KCNE3: variants seen among roughly 807,000 people sequenced by gnomAD.
KCNE3 encodes potassium voltage-gated channel subfamily E member 3.
KCNE3 carries 2 observed loss-of-function variants against 4.3 expected under a neutral mutation model. That is an observed-to-expected ratio of 0.47 (90% CI 0.19 to 1.48). KCNE3 has a LOEUF of 1.48. Ranked by LOEUF, KCNE3 falls within the 40% of genes most tolerant of loss-of-function variation. The pLI, the probability that KCNE3 is intolerant of heterozygous loss-of-function variation, is 0.25. For missense variants in KCNE3, 128 were observed against 136.8 expected (o/e 0.94, Z 0.32); for synonymous variants, 47 against 52.0 (o/e 0.90, Z 0.41).
intron 2 of KCNE3, among the ~76,000 whole-genome samples, chr11:74,458,566 C>T (rs1055712094): frequency 2.6e-5 from 4 of 152,216 alleles, no homozygotes; most frequent in Admixed American, 2.6e-4. Flanking sequence ...GGCACAGTGG[C>T]TCACGCCTGT....
intron 1 of KCNE3, among the ~76,000 whole-genome samples, chr11:74,464,830 A>C (rs1285918492): frequency 2.0e-5 from 3 of 152,188 alleles, no homozygotes; most frequent in African/African-American, 7.2e-5. Flanking sequence ...CACCCATGAC[A>C]CTGAAGTACA....
chr11:74,457,289 TA>T lies in KCNE3; in HGVS notation c.274del (p.Tyr92IlefsTer11), dbSNP rs1006962870. On this transcript the variant is annotated frameshift_variant, in exon 3 of 3. Coordinates refer to ENST00000310128, the MANE Select transcript of KCNE3 (RefSeq NM_005472.5). LOFTEE classifies it high-confidence loss of function. ...CACACGGTTCTTGATATACACATGATAGGGGTCACTACGCTTGTCCACTTTG... is the reference window on the plus strand; with the variant it reads ...CACACGGTTCTTGATATACACATGATGGGGTCACTACGCTTGTCCACTTTG... ...SRKVDKRSDP[Y>X]HVYIKNRVSM... 6.2e-7 allele frequency: 1 copy of T among 1,614,010 alleles called. No individual in the cohort carries two copies. Among genetic ancestry groups the T allele is most frequent in the East Asian group, 2.2e-5 (1 of 44,854 alleles).
chr11:74,462,333 C>T (rs1471217299), intron 1 of KCNE3: 1 of 152,240 alleles, frequency 6.6e-6, no homozygotes, highest in East Asian at 1.9e-4. Context: ...ATTGCTGTCC[C>T]CTACCTCCAG....
chr11:74,465,058 G>A (rs537883593), intron 1 of KCNE3, among the ~76,000 whole-genome samples: 3 of 152,084 alleles, frequency 2.0e-5, no homozygotes, highest in East Asian at 1.9e-4. Context: ...TCCCAAAAGT[G>A]CTTTGCACGA....
chr11:74,462,647 A>G (rs951764774), intron 1 of KCNE3: 1 of 152,230 alleles, frequency 6.6e-6, no homozygotes, highest in Non-Finnish European at 1.5e-5. Context: ...ATTAAAGAAC[A>G]TCATGTAGTG....
intron 1 of KCNE3, among the ~76,000 whole-genome samples, chr11:74,464,069 C>T (rs957665722): frequency 6.6e-6 from 1 of 152,188 alleles, no homozygotes. Context: ...CTCCTGATTC[C>T]CCAGATGAGC....
rs1196527020 is a variant in KCNE3 at position 74,467,201 on chromosome 11, C to CGATCACTG, written c.-190+189_-190+196dup. 6.6e-6 allele frequency among the ~76,000 whole-genome samples: 1 copy of CGATCACTG among 151,706 alleles called. No individual in the cohort carries two copies. Among genetic ancestry groups the CGATCACTG allele is most frequent in the Non-Finnish European group, 1.5e-5 (1 of 68,022 alleles). ...CTCCCTACTCCCACATGCTGCTCCA[C>CGATCACTG]GATCACTGCGCTCGGGAGGATCGGG... On this transcript the variant is annotated intron_variant, in intron 1 of 2. Transcript: ENST00000310128. The surrounding 1 kb of genome is among the most constrained non-coding windows in gnomAD (Gnocchi z 4.4).
At chr11:74,466,347 G>A (rs1311679632) in intron 1 of KCNE3, among the ~76,000 whole-genome samples, 1 of 152,180 alleles carries the variant, frequency 6.6e-6, no homozygotes, top group Non-Finnish European at 1.5e-5. Context: ...GAAGGTGATG[G>A]TTATCATCTC....
In KCNE3 at chr11:74,456,218, G is replaced by A. The variant is rs1391614112; in HGVS notation, c.*1034C>T. 2.8e-5 allele frequency: 4 copies of A among 143,552 alleles called. No individual in the cohort carries two copies. Among genetic ancestry groups the A allele is most frequent in the African/African-American group, 1.0e-4 (4 of 39,864 alleles). The allele number at this position is 143,552 out of a possible 1,614,324, so 8.9% of individuals were successfully genotyped here. ...GTGGTGACAGGAACCTGTAATCCCAGCTACTCAGGTGGCTGAGGCAGGATA... is the reference window on the plus strand; with the variant it reads ...GTGGTGACAGGAACCTGTAATCCCAACTACTCAGGTGGCTGAGGCAGGATA... On this transcript the variant is annotated 3_prime_UTR_variant, in exon 3 of 3. Coordinates refer to ENST00000310128, the MANE Select transcript of KCNE3 (RefSeq NM_005472.5).
intron 2 of KCNE3, among the ~76,000 whole-genome samples, 181 bp downstream of exon 2, chr11:74,461,774 A>G (rs1863958617): frequency 6.6e-6 from 1 of 151,570 alleles, no homozygotes; most frequent in Non-Finnish European, 1.5e-5. Flanking sequence ...AAATATGTAC[A>G]CATAGGTTTA....
Position 74,455,698 on chromosome 11 carries a change from A to C in KCNE3, c.*1554T>G, listed in dbSNP as rs1445065633. 1 of 151,494 alleles carries C rather than the reference A, an allele frequency of 6.6e-6. No individual in the cohort carries two copies. Among genetic ancestry groups the C allele is most frequent in the Non-Finnish European group, 1.5e-5 (1 of 67,978 alleles). 9.4% of individuals were successfully genotyped at this position (151,494 alleles called of 1,614,324 possible). ...CTCTGCTTCTTTTAATATAATAATA[A>C]TTTAGGTGCGATATCAGTCTTTTTT... On this transcript the variant is annotated 3_prime_UTR_variant, in exon 3 of 3. Transcript: ENST00000310128.
chr11:74,460,353 A>C (rs544877008), intron 2 of KCNE3, among the ~76,000 whole-genome samples: 3 of 152,358 alleles, frequency 2.0e-5, no homozygotes, highest in African/African-American at 7.2e-5. Context: ...AAAATAATCT[A>C]GATAGTTATC....
rs1249931311 is a variant in KCNE3 at position 74,456,710 on chromosome 11, A to T, written c.*542T>A. On this transcript the variant is annotated 3_prime_UTR_variant, in exon 3 of 3. Transcript: ENST00000310128. ...GAGTTTTGAAAAGCACTAGGCAAGG[A>T]GACCAGAGTTCCTGGGTTCCAATCA... 1 of 162,734 alleles carries T rather than the reference A, an allele frequency of 6.1e-6. No individual in the cohort carries two copies. Among genetic ancestry groups the T allele is most frequent in the Non-Finnish European group, 1.4e-5 (1 of 73,980 alleles). The allele number at this position is 162,734 out of a possible 1,614,324, so 10.1% of individuals were successfully genotyped here.
intron 2 of KCNE3, among the ~76,000 whole-genome samples, chr11:74,461,743 T>G (rs930808912): frequency 6.6e-6 from 1 of 151,656 alleles, no homozygotes; most frequent in African/African-American, 2.4e-5. Flanking sequence ...ATTAAAAACT[T>G]TTTTTTTATT....
chr11:74,466,536 T>C (rs181116084), intron 1 of KCNE3, among the ~76,000 whole-genome samples: 33 of 152,328 alleles, frequency 2.2e-4, no homozygotes, highest in African/African-American at 7.2e-4. Flanking sequence ...TGGGTTCTAA[T>C]TCTGTTTGGT....
At position 74,457,385 on chromosome 11, in the gene KCNE3, T is replaced by C. The variant is rs1009916288; in HGVS notation, c.179A>G (p.Tyr60Cys). 7 of 1,614,138 alleles carry C rather than the reference T, an allele frequency of 4.3e-6. No individual in the cohort carries two copies. The highest frequency in any genetic ancestry group is 5.1e-6 in the Non-Finnish European group (6 of 1,179,978). Residue 60 changes from tyrosine (Y) to cysteine (C), a missense_variant, in exon 3 of 3, where the codon TAC becomes TGC. Coordinates refer to ENST00000310128, the MANE Select transcript of KCNE3 (RefSeq NM_005472.5). ...LPGRDDNSYM[Y>C]ILFVMFLFAV... The stretch of plus-strand genomic sequence containing the variant: ...AAATAGAAACATGACAAAGAGAATG[T>C]ACATGTAGGAGTTGTCATCACGGCC...
At chr11:74,460,010 C>T (rs761961464) in intron 2 of KCNE3, among the ~76,000 whole-genome samples, 12 of 152,208 alleles carry the variant, frequency 7.9e-5, no homozygotes, top group Admixed American at 2.6e-4. Context: ...GAACTGTTAA[C>T]AAACTAATAT....
chr11:74,466,594 C>T (rs1864062877), intron 1 of KCNE3, among the ~76,000 whole-genome samples: 1 of 152,132 alleles, frequency 6.6e-6, no homozygotes, highest in African/African-American at 2.4e-5. Context: ...CATCAGTTTC[C>T]CTATATGCAA....
Position 74,467,244 on chromosome 11 carries a change from A to C in KCNE3, c.-190+154T>G, listed in dbSNP as rs1173405959. 6.7e-6 allele frequency among the ~76,000 whole-genome samples: 1 copy of C among 149,788 alleles called. No homozygotes were observed. Among genetic ancestry groups the C allele is most frequent in the East Asian group, 1.9e-4 (1 of 5,156 alleles). ...GGATCGGGGAGGATCCGGGAGGACT[A>C]GCTTGGTATTTGCAGCGCCCACCCC... On this transcript the variant is annotated intron_variant, in intron 1 of 2. Coordinates refer to ENST00000310128, the MANE Select transcript of KCNE3 (RefSeq NM_005472.5). This position sits in a 1 kb window ranked among gnomAD's most constrained non-coding sequence, Gnocchi z 4.4.
Sources: gnomAD v4.1 joint callset for allele counts (sites outside exome capture counted in the v4.1 genomes callset) on GRCh38, gnomAD v4.1.1 for gene constraint, Gnocchi (gnomAD v3.1) non-coding constraint, MANE v1.5 for transcripts, NCBI Gene and HGNC (gene_info 2026-07-23, HGNC 2026-07-21) for gene names.